Variants in EXT1 observed in about 807,000 individuals in gnomAD.
The protein encoded by EXT1 is exostosin glycosyltransferase 1, also known as exostosin-1.
In EXT1, 20 loss-of-function variants were observed where a neutral mutation model predicts 82.5. The ratio of observed to expected loss-of-function variants is 0.24; its 90% CI spans 0.17 to 0.35. The LOEUF is 0.35. Among genes scored for constraint, EXT1 ranks in the 10% least tolerant of loss-of-function variants. EXT1 has a pLI of 1.00. For missense variants in EXT1, 757 were observed against 936.5 expected (o/e 0.81, Z 2.50); for synonymous variants, 348 against 350.8 (o/e 0.99, Z 0.09).
At chr8:117,831,765 A>T (rs1475399931) in intron 3 of EXT1, 1 of 444,534 alleles carries the variant, frequency 2.2e-6, no homozygotes, top group Non-Finnish European at 4.6e-6. Context: ...GTGGTAGCAC[A>T]TTTTTTAATT....
rs1232990461 is a variant in EXT1 at position 118,107,842 on chromosome 8, T to C, written c.962+2243A>G. On this transcript the variant is annotated intron_variant, in intron 1 of 10. Transcript: ENST00000378204. Reference sequence around the variant, plus strand: ...TGAATGTAAACCTTTCGCAGCACCATCCCGGGCTACATGCAAGTTTAGGGC... The same window carrying C: ...TGAATGTAAACCTTTCGCAGCACCACCCCGGGCTACATGCAAGTTTAGGGC... Among the ~76,000 whole-genome samples, 8 of 152,260 alleles carry C rather than the reference T, an allele frequency of 5.3e-5. No homozygotes were observed. In the East Asian group the frequency reaches 1.5e-3, roughly 29 times the overall value.
At chr8:117,995,059 G>A (rs1815508292) in intron 1 of EXT1, among the ~76,000 whole-genome samples, 1 of 152,282 alleles carries the variant, frequency 6.6e-6, no homozygotes, top group East Asian at 1.9e-4. Flanking sequence ...GAGTGTTTTT[G>A]CCTAACTATG....
intron 2 of EXT1, among the ~76,000 whole-genome samples, chr8:117,836,898 T>C (rs1369456411): frequency 1.3e-5 from 2 of 152,212 alleles, no homozygotes; most frequent in African/African-American, 2.4e-5. Context: ...GAATCCACCA[T>C]TTAATTTCTT....
chr8:117,980,698 G>GTTTTTTTT (rs1330631748), intron 1 of EXT1, among the ~76,000 whole-genome samples: 1 of 43,836 alleles, frequency 2.3e-5, no homozygotes, highest in Non-Finnish European at 4.3e-5. Flanking sequence ...GGTGTTGGTG[G>GTTTTTTTT]TTTTTTTTTT....
chr8:117,886,036 C>G (rs1025903436), intron 1 of EXT1, among the ~76,000 whole-genome samples: 34 of 152,114 alleles, frequency 2.2e-4, no homozygotes, highest in African/African-American at 7.7e-4. Context: ...ATTGTGTGAC[C>G]TCTCCCTGAA....
chr8:117,835,643 G>T, intron 2 of EXT1, 92 bp from the exon 3 acceptor site: 1 of 958,344 alleles, frequency 1.0e-6, no homozygotes. Flanking sequence ...TCAATGACTG[G>T]CATTTTTGAC....
chr8:117,925,239 T>A (rs1213356202), intron 1 of EXT1, among the ~76,000 whole-genome samples: 1 of 152,140 alleles, frequency 6.6e-6, no homozygotes, highest in Non-Finnish European at 1.5e-5. Flanking sequence ...AGGAAAAGGC[T>A]CTAAGATCTG....
chr8:117,796,398 C>T lies in EXT1; in HGVS notation c.*3314G>A, dbSNP rs1437982334. 3 of 150,984 alleles carry T rather than the reference C, an allele frequency of 2.0e-5. No homozygotes were observed. The highest frequency in any genetic ancestry group is 7.3e-5 in the African/African-American group (3 of 40,996). The allele number at this position is 150,984 out of a possible 1,614,324, so 9.4% of individuals were successfully genotyped here. On this transcript the variant is annotated 3_prime_UTR_variant, in exon 11 of 11. Coordinates refer to ENST00000378204, the MANE Select transcript of EXT1 (RefSeq NM_000127.3). Reference sequence around the variant, plus strand: ...TAATTAAAAAAAATAGTATATAGGCCTATTCACATTCATTCATCTCACCCC... The same window carrying T: ...TAATTAAAAAAAATAGTATATAGGCTTATTCACATTCATTCATCTCACCCC...
chr8:118,072,206 G>C (rs576120734), intron 1 of EXT1, among the ~76,000 whole-genome samples: 2 of 152,290 alleles, frequency 1.3e-5, no homozygotes, highest in African/African-American at 4.8e-5. Flanking sequence ...AAAGCTCTTA[G>C]ACCAGTTCCC....
At chr8:117,883,315 T>C (rs1813093601) in intron 1 of EXT1, among the ~76,000 whole-genome samples, 1 of 152,240 alleles carries the variant, frequency 6.6e-6, no homozygotes, top group African/African-American at 2.4e-5. Flanking sequence ...CTTTTAAGGT[T>C]CCATTTGTTT....
At chr8:117,968,453 T>C (rs558116196) in intron 1 of EXT1, among the ~76,000 whole-genome samples, 9 of 152,026 alleles carry the variant, frequency 5.9e-5, no homozygotes, top group African/African-American at 2.2e-4. Flanking sequence ...GCAATAAGTA[T>C]CACAGCTGAG....
chr8:117,907,074 T>A (rs901829121), intron 1 of EXT1, among the ~76,000 whole-genome samples: 2 of 152,236 alleles, frequency 1.3e-5, no homozygotes, highest in African/African-American at 4.8e-5. Flanking sequence ...CTGACTTCTC[T>A]ATAAAGGATG....
intron 1 of EXT1, among the ~76,000 whole-genome samples, chr8:117,952,281 T>G (rs1323520358): frequency 6.6e-6 from 1 of 152,234 alleles, no homozygotes; most frequent in African/African-American, 2.4e-5. Context: ...TACAATGTTA[T>G]CTGAATACAA....
chr8:118,108,444 C>T (rs1817836303), intron 1 of EXT1, among the ~76,000 whole-genome samples: 2 of 152,098 alleles, frequency 1.3e-5, no homozygotes, highest in Admixed American at 1.3e-4. Flanking sequence ...TTACAAGCAC[C>T]CACAGGAATA....
intron 1 of EXT1, among the ~76,000 whole-genome samples, chr8:118,043,329 T>C (rs1199870368): frequency 6.6e-6 from 1 of 152,200 alleles, no homozygotes; most frequent in African/African-American, 2.4e-5. Context: ...AGACACTTTA[T>C]TCATCAAAAT....
intron 1 of EXT1, among the ~76,000 whole-genome samples, chr8:117,966,374 C>T (rs77466016): frequency 6.6e-6 from 1 of 152,330 alleles, no homozygotes; most frequent in East Asian, 1.9e-4. Context: ...CAGACATGTC[C>T]TCCTAAAGTG....
intron 1 of EXT1, among the ~76,000 whole-genome samples, chr8:118,105,829 A>G (rs962326368): frequency 1.3e-5 from 2 of 152,212 alleles, no homozygotes; most frequent in African/African-American, 4.8e-5. Flanking sequence ...AACTTGCTCA[A>G]GGTGTCTGTT....
chr8:117,880,715 C>A (rs17450765), intron 1 of EXT1, among the ~76,000 whole-genome samples: 1 of 151,722 alleles, frequency 6.6e-6, no homozygotes, highest in East Asian at 1.9e-4. Context: ...CTCAGCCTCC[C>A]GAGTAGGTGG....
rs17506447 is a variant in EXT1, at chr8:118,110,933, T to C, written c.114A>G (p.Glu38=). ...GCAAGCCATTCCTACCGCTGTGTTC[T>C]TCTCTCCGGCTGTGGCTCCTCGATG... The part of the protein sequence containing the change: ...FRASRSHSRR[E]EHSGRNGLHH... Residue 38 remains glutamate (E), a synonymous_variant, in exon 1 of 11, where the codon GAA becomes GAG. Transcript: ENST00000378204. The C allele has an allele frequency of 2.8e-3, 4,440 of 1,613,888 alleles. 107 individuals are homozygous for C. In the African/African-American group the frequency reaches 0.053, roughly 19 times the overall value.
Sources: gnomAD v4.1 joint callset for allele counts (sites outside exome capture counted in the v4.1 genomes callset) on GRCh38, gnomAD v4.1.1 for gene constraint, MANE v1.5 for transcripts, NCBI Gene and HGNC (gene_info 2026-07-23, HGNC 2026-07-21) for gene names.